LTBR: variants seen among roughly 807,000 people sequenced by gnomAD.
LTBR encodes lymphotoxin beta receptor, also known as tumor necrosis factor receptor superfamily member 3.
A neutral mutation model predicts 45.4 loss-of-function variants in LTBR; 15 were observed. That is an observed-to-expected ratio of 0.33 (90% CI 0.22 to 0.51). The LOEUF is 0.51. Among genes scored for constraint, LTBR ranks in the 20% least tolerant of loss-of-function variants. The probability of loss-of-function intolerance (pLI) is 0.97; values close to 1 mark genes in which losing one functional copy is unlikely to be tolerated. For synonymous variants in LTBR, 228 were observed against 231.0 expected, an observed-to-expected ratio of 0.99 and a Z score of 0.12; for missense variants, 450 against 565.5, an observed-to-expected ratio of 0.80 and a Z score of 2.07.
At chr12:6,390,088 T>C in intron 8 of LTBR, 24 bp from the exon 9 acceptor site, 1 of 1,532,492 alleles carries the variant, frequency 6.5e-7, no homozygotes, top group East Asian at 2.3e-5. Context: ...CATCATTGTT[T>C]GGGTCTCCAT....
chr12:6,383,341 C>T (rs1949002908), upstream of LTBR, among the ~76,000 whole-genome samples: 1 of 152,130 alleles, frequency 6.6e-6, no homozygotes. Flanking sequence ...ACCAGGCCAC[C>T]CTGGAATCCC....
upstream of LTBR, among the ~76,000 whole-genome samples, chr12:6,382,937 T>C (rs950332228): frequency 4.6e-5 from 7 of 152,284 alleles, no homozygotes; most frequent in South Asian, 2.1e-4. Context: ...GAGACCCAGA[T>C]TGTAGCTGGC....
At chr12:6,377,575 G>T in intron 1 of LTBR, 1 of 976,878 alleles carries the variant, frequency 1.0e-6, no homozygotes, top group Non-Finnish European at 1.5e-6. Context: ...TTATCTCCTT[G>T]GCTCTGTGAA....
chr12:6,390,366 G>T (rs1233799379), intron 9 of LTBR, 26 bp downstream of exon 9: 1 of 1,547,742 alleles, frequency 6.5e-7, no homozygotes, highest in Admixed American at 1.9e-5. Context: ...GGAGAAGAGA[G>T]GAAGGATGGG....
chr12:6,386,293 G>A lies in LTBR; in HGVS notation c.570-54G>A, dbSNP rs946714439. 4.5e-5 allele frequency: 69 copies of A among 1,540,980 alleles called. 1 individual carries two copies. Among genetic ancestry groups the A allele is most frequent in the East Asian group, 2.7e-4 (12 of 44,228 alleles). Reference sequence around the variant, plus strand: ...GCCTCCCCGCCTGCCCAGTGGAGTCGGGACACTGGTGGGCCAGGGCGTGAA... The same window carrying A: ...GCCTCCCCGCCTGCCCAGTGGAGTCAGGACACTGGTGGGCCAGGGCGTGAA... On this transcript the variant is annotated intron_variant, in intron 5 of 9. Transcript: ENST00000228918. This position sits in a 1 kb window ranked among gnomAD's most constrained non-coding sequence, Gnocchi z 4.1.
chr12:6,382,292 T>G (rs1948992268), upstream of LTBR, among the ~76,000 whole-genome samples: 1 of 151,902 alleles, frequency 6.6e-6, no homozygotes, highest in Admixed American at 6.6e-5. Context: ...GTGTGTGCGT[T>G]GGTGGGGGAG....
rs2136927552 is a variant in LTBR, at chr12:6,384,704, C to CCTCG, written c.193+20_193+21insCTCG. ...CGCCAGGTGAGAGGCAATGGCAGGA[C>CCTCG]GAACCTGGGCCTCGGAAGTGGGTCA... On this transcript the variant is annotated intron_variant, in intron 2 of 9. Coordinates refer to ENST00000228918, the MANE Select transcript of LTBR (RefSeq NM_002342.3). The CCTCG allele has an allele frequency of 1.2e-6, 2 of 1,609,874 alleles. No individual in the cohort carries two copies. The highest frequency in any genetic ancestry group is 4.5e-5 in the East Asian group (2 of 44,854).
At position 6,385,331 on chromosome 12, in the gene LTBR, T is replaced by C. The variant is rs1294894663; in HGVS notation, c.424T>C (p.Cys142Arg). Residue 142 changes from cysteine (C) to arginine (R), a missense_variant, in exon 4 of 10, where the codon TGC becomes CGC. Physicochemically the swap from Cys to Arg is radical, Grantham distance 180. This residue lies in a region of LTBR where 367 missense variants were observed against 435.4 expected (regional missense o/e 0.84). Transcript: ENST00000228918. ...TGCCTGGGCCCTCGAGTGTACACAC[T>C]GCGAGCTACTTTCTGACTGCCCGCC... ...CAAWALECTH[C>R]ELLSDCPPGT... is the part of the protein sequence containing the mutation. 1 of 1,614,152 alleles carries C rather than the reference T, an allele frequency of 6.2e-7. No homozygotes were observed. Among genetic ancestry groups the C allele is most frequent in the Non-Finnish European group, 8.5e-7 (1 of 1,180,036 alleles).
At position 6,384,418 on chromosome 12, in the gene LTBR, C is replaced by CCT; in HGVS notation, c.63_64dup (p.Phe22SerfsTer75). Reference sequence around the variant, plus strand: ...TGGCCTGGGGGCCTCTGGTGCTGGGCCTCTTCGGGCTCCTGGCAGCATCGC... The same window carrying CCT: ...TGGCCTGGGGGCCTCTGGTGCTGGGCCTCTCTTCGGGCTCCTGGCAGCATCGC... On this transcript the variant is annotated frameshift_variant, in exon 1 of 10. Coordinates refer to ENST00000228918, the MANE Select transcript of LTBR (RefSeq NM_002342.3). LOFTEE classifies it high-confidence loss of function. The CCT allele has an allele frequency of 6.5e-7, 1 of 1,545,284 alleles. No individual in the cohort carries two copies. Among genetic ancestry groups the CCT allele is most frequent in the Non-Finnish European group, 8.7e-7 (1 of 1,148,850 alleles).
At chr12:6,384,973 A>T (rs1226195041) in intron 2 of LTBR, 49 bp from the exon 3 acceptor site, 2 of 1,611,604 alleles carry the variant, frequency 1.2e-6, no homozygotes, top group South Asian at 2.2e-5. Context: ...AGCGGAGGTG[A>T]GGGTGGAGCC....
chr12:6,384,557 C>A (rs772957013), intron 1 of LTBR, 31 bp from the exon 2 acceptor site: 4 of 1,610,718 alleles, frequency 2.5e-6, no homozygotes, highest in Non-Finnish European at 3.4e-6. Context: ...CTGACTAATT[C>A]TTCTCTCCTC....
In LTBR at chr12:6,390,885, G is replaced by T. The variant is rs1201411066; in HGVS notation, c.1256G>T (p.Gly419Val). 6 of 1,600,976 alleles carry T rather than the reference G, an allele frequency of 3.7e-6. No individual in the cohort carries two copies. The highest frequency in any genetic ancestry group is 5.1e-6 in the Non-Finnish European group (6 of 1,173,528). ...CACCTAGCGGAGACAGAGCACTGTG[G>T]TGCCACACCCTCTAACAGGGGCCCA... Reference protein sequence around the residue: ...AWHLAETEHCGATPSNRGPRN... With the variant: ...AWHLAETEHCVATPSNRGPRN... Residue 419 changes from glycine to valine, a missense_variant, in exon 10 of 10, where the codon GGT becomes GTT. Physicochemically the swap from Gly to Val is moderately radical, Grantham distance 109. Transcript: ENST00000228918.
chr12:6,384,771 C>T (rs548926155), intron 2 of LTBR, 87 bp downstream of exon 2: 2 of 1,298,472 alleles, frequency 1.5e-6, no homozygotes, highest in East Asian at 2.3e-5. Context: ...GGAAGGTGGG[C>T]ACTGTCCCCC....
At chr12:6,380,820 G>T (rs1407396519), upstream of LTBR, among the ~76,000 whole-genome samples, 1 of 152,160 alleles carries the variant, frequency 6.6e-6, no homozygotes, top group East Asian at 1.9e-4. Context: ...TGGGAGAAGA[G>T]TCCCACCCTC....
exon 1 of LTBR, chr12:6,375,570 A>G: frequency 6.5e-7 from 1 of 1,528,820 alleles, no homozygotes; most frequent in Non-Finnish European, 8.8e-7. Flanking sequence ...AAGCGACAGG[A>G]ATCTCATTAG....
Position 6,391,384 on chromosome 12 carries a change from G to C in LTBR, c.*447G>C, listed in dbSNP as rs972585076. 6.5e-6 allele frequency: 1 copy of C among 154,912 alleles called. No individual in the cohort carries two copies. Among genetic ancestry groups the C allele is most frequent in the East Asian group, 1.9e-4 (1 of 5,244 alleles). The allele number at this position is 154,912 out of a possible 1,614,324, so 9.6% of individuals were successfully genotyped here. A position where few individuals can be genotyped will look rare whatever the true frequency, so the allele number is the denominator to read the frequency against. On this transcript the variant is annotated 3_prime_UTR_variant, in exon 10 of 10. Coordinates refer to ENST00000228918, the MANE Select transcript of LTBR (RefSeq NM_002342.3). The stretch of plus-strand genomic sequence containing the variant: ...CTTCACGTGGACTGAGGTAGACCCT[G>C]CATGAAGATGAAATTATAGGGAGGA...
At chr12:6,381,777 A>G (rs1480588114), upstream of LTBR, among the ~76,000 whole-genome samples, 1 of 152,212 alleles carries the variant, frequency 6.6e-6, no homozygotes, top group Non-Finnish European at 1.5e-5. Flanking sequence ...GTTCAAGACC[A>G]GCCTGGTCAA....
rs1444516487 is a variant in LTBR at position 6,384,247 on chromosome 12, C to G, written c.-112C>G. On this transcript the variant is annotated 5_prime_UTR_variant, in exon 1 of 10. Coordinates refer to ENST00000228918, the MANE Select transcript of LTBR (RefSeq NM_002342.3). ...CCTGGGGTGCACATCGGCCCTGAGT[C>G]CCGTCCCAGGCTCTGGGCTCGGGCA... 2 of 1,403,620 alleles carry G rather than the reference C, an allele frequency of 1.4e-6. No homozygotes were observed. Among genetic ancestry groups the G allele is most frequent in the African/African-American group, 1.5e-5 (1 of 66,840 alleles). 86.9% of individuals were successfully genotyped at this position (1,403,620 alleles called of 1,614,324 possible). A position where few individuals can be genotyped will look rare whatever the true frequency, so the allele number is the denominator to read the frequency against.
In LTBR at chr12:6,384,416, G is replaced by A. The variant is rs887292643; in HGVS notation, c.58G>A (p.Gly20Ser). The A allele has an allele frequency of 1.9e-6, 3 of 1,544,678 alleles. No homozygotes were observed. Among genetic ancestry groups the A allele is most frequent in the Non-Finnish European group, 2.6e-6 (3 of 1,148,726 alleles). Reference sequence around the variant, plus strand: ...CCTGGCCTGGGGGCCTCTGGTGCTGGGCCTCTTCGGGCTCCTGGCAGCATC... The same window carrying A: ...CCTGGCCTGGGGGCCTCTGGTGCTGAGCCTCTTCGGGCTCCTGGCAGCATC... ...PGLAWGPLVLGLFGLLAASQP... is the reference protein window; with the variant it reads ...PGLAWGPLVLSLFGLLAASQP... The change falls in exon 1 of 10, where the codon GGC (glycine) becomes AGC (serine). Residue 20 changes from glycine to serine, a missense_variant. By Grantham distance (56) the Gly-to-Ser change is moderately conservative. This residue lies in a region of LTBR where 367 missense variants were observed against 435.4 expected (regional missense o/e 0.84). Transcript: ENST00000228918.
Sources: gnomAD v4.1 joint callset for allele counts (sites outside exome capture counted in the v4.1 genomes callset) on GRCh38, gnomAD v4.1.1 for gene constraint, gnomAD v4.1.1 regional missense constraint, Gnocchi (gnomAD v3.1) non-coding constraint, MANE v1.5 for transcripts, NCBI Gene and HGNC (gene_info 2026-07-23, HGNC 2026-07-21) for gene names.